Variants in AGBL4 observed in about 807,000 individuals in gnomAD.
AGBL4 encodes the protein AGBL carboxypeptidase 4.
AGBL4 carries 58 observed loss-of-function variants against 66.4 expected under a neutral mutation model. The observed-to-expected ratio is 0.87, with a 90% CI of 0.71 to 1.09. The LOEUF is 1.09. Among genes scored for constraint, AGBL4 ranks in the 50% least tolerant of loss-of-function variants. The probability of loss-of-function intolerance (pLI) is 0.00; values close to 1 mark genes in which losing one functional copy is unlikely to be tolerated. For synonymous variants in AGBL4, 234 were observed against 222.9 expected (o/e 1.05, Z -0.44); for missense variants, 579 against 631.0 (o/e 0.92, Z 0.88).
intron 2 of AGBL4, among the ~76,000 whole-genome samples, chr1:49,817,125 T>C (rs1390155209): frequency 1.3e-5 from 2 of 152,314 alleles, no homozygotes; most frequent in East Asian, 1.9e-4. Flanking sequence ...GAGAAAATCA[T>C]ATTTTCCTTC....
At chr1:48,788,207 T>C (rs570665830) in intron 6 of AGBL4, among the ~76,000 whole-genome samples, 1 of 152,366 alleles carries the variant, frequency 6.6e-6, no homozygotes, top group East Asian at 1.9e-4. Context: ...GCAGGCACAG[T>C]GCCTGTCACA....
intron 1 of AGBL4, among the ~76,000 whole-genome samples, chr1:49,918,380 G>A (rs192520373): frequency 7.9e-5 from 12 of 152,034 alleles, no homozygotes; most frequent in East Asian, 1.9e-4. Context: ...TCAAATAGAC[G>A]CAACAAAAAA....
chr1:49,293,591 C>T (rs1189196425), intron 3 of AGBL4, among the ~76,000 whole-genome samples: 3 of 152,290 alleles, frequency 2.0e-5, no homozygotes, highest in South Asian at 4.1e-4. Flanking sequence ...TGAGGAGATT[C>T]TGAATATGCA....
chr1:48,599,700 G>T (rs1645046889), intron 9 of AGBL4, among the ~76,000 whole-genome samples: 1 of 152,224 alleles, frequency 6.6e-6, no homozygotes, highest in Admixed American at 6.5e-5. Context: ...TTCATGTACA[G>T]AAATGGAGAA....
At chr1:49,938,804 G>A (rs1012176552) in intron 1 of AGBL4, among the ~76,000 whole-genome samples, 1 of 152,144 alleles carries the variant, frequency 6.6e-6, no homozygotes, top group African/African-American at 2.4e-5. Context: ...AACGCTTCGT[G>A]CTAAAAACTC....
intron 6 of AGBL4, among the ~76,000 whole-genome samples, chr1:48,779,241 G>A (rs1025087295): frequency 1.3e-5 from 2 of 152,094 alleles, no homozygotes; most frequent in Non-Finnish European, 2.9e-5. Context: ...ATCTAAATGG[G>A]GGTGACCACA....
chr1:48,766,480 C>T (rs745702827), intron 6 of AGBL4, among the ~76,000 whole-genome samples: 9 of 152,344 alleles, frequency 5.9e-5, no homozygotes, highest in Non-Finnish European at 1.0e-4. Flanking sequence ...TGCCAGACCA[C>T]GTCCTCTATC....
intron 6 of AGBL4, among the ~76,000 whole-genome samples, chr1:48,729,075 A>G (rs1647672577): frequency 1.3e-5 from 2 of 152,182 alleles, no homozygotes; most frequent in South Asian, 4.1e-4. Flanking sequence ...TAGATTCCTC[A>G]CTTCATAAAT....
In AGBL4 at chr1:49,719,630, C is replaced by G. The variant is rs995851274; in HGVS notation, c.158-22193G>C. ...AATGCAGAACTGTCATTAGCCCTTC[C>G]TCCATAAAAGACTGAAAGTAAGATA... On this transcript the variant is annotated intron_variant, in intron 2 of 13. Transcript: ENST00000371839. Among the ~76,000 whole-genome samples, 2 of 152,084 alleles carry G rather than the reference C, an allele frequency of 1.3e-5. 1 individual carries two copies. Among genetic ancestry groups the G allele is most frequent in the South Asian group, 4.1e-4 (2 of 4,830 alleles).
intron 2 of AGBL4, among the ~76,000 whole-genome samples, chr1:49,819,544 T>G (rs1645314497): frequency 6.6e-6 from 1 of 152,162 alleles, no homozygotes; most frequent in Non-Finnish European, 1.5e-5. Context: ...GGTCTTCTGA[T>G]TCCTAGATAA....
chr1:49,343,440 T>C (rs1249463442), intron 3 of AGBL4, among the ~76,000 whole-genome samples: 2 of 152,184 alleles, frequency 1.3e-5, no homozygotes, highest in African/African-American at 2.4e-5. Flanking sequence ...AAATGGCTAA[T>C]GGAAGTTATG....
At chr1:49,367,763 A>AATTCACAC (rs1440141654) in intron 3 of AGBL4, among the ~76,000 whole-genome samples, 1 of 152,218 alleles carries the variant, frequency 6.6e-6, no homozygotes, top group Non-Finnish European at 1.5e-5. Context: ...ATTGTGGTAG[A>AATTCACAC]ATTCACACAA....
chr1:49,722,970 C>T (rs1490860866), intron 2 of AGBL4, among the ~76,000 whole-genome samples: 1 of 152,006 alleles, frequency 6.6e-6, no homozygotes, highest in Non-Finnish European at 1.5e-5. Context: ...TTTGAAGCTG[C>T]CTACTATATG....
At chr1:49,793,837 G>T (rs1644664888) in intron 2 of AGBL4, among the ~76,000 whole-genome samples, 1 of 152,026 alleles carries the variant, frequency 6.6e-6, no homozygotes, top group East Asian at 1.9e-4. Flanking sequence ...GATTTTATTA[G>T]AAGAGGATCC....
intron 6 of AGBL4, among the ~76,000 whole-genome samples, chr1:48,837,711 C>CACTATATATA (rs1471719980): frequency 2.4e-5 from 2 of 82,298 alleles, no homozygotes; most frequent in Admixed American, 1.3e-4. Flanking sequence ...CACACACACA[C>CACTATATATA]TATATATATA....
intron 2 of AGBL4, among the ~76,000 whole-genome samples, chr1:49,711,884 G>A (rs936503510): frequency 6.6e-6 from 1 of 151,854 alleles, no homozygotes; most frequent in Non-Finnish European, 1.5e-5. Context: ...TTACATACAG[G>A]GACTGTAAAG....
chr1:48,806,349 A>T (rs1645923489), intron 6 of AGBL4, among the ~76,000 whole-genome samples: 1 of 152,200 alleles, frequency 6.6e-6, no homozygotes, highest in African/African-American at 2.4e-5. Flanking sequence ...TCCCATAAGC[A>T]GTGGTCTGTT....
intron 6 of AGBL4, among the ~76,000 whole-genome samples, chr1:48,827,855 G>A (rs1309237267): frequency 6.6e-6 from 1 of 152,040 alleles, no homozygotes; most frequent in South Asian, 2.1e-4. Flanking sequence ...TGCATTGCTA[G>A]TAAGTATTGA....
chr1:49,060,770 C>T (rs1054808296), intron 4 of AGBL4, among the ~76,000 whole-genome samples: 3 of 152,120 alleles, frequency 2.0e-5, no homozygotes, highest in Admixed American at 6.5e-5. Context: ...TTTATCATCT[C>T]CCTGGACCCC....
Sources: gnomAD v4.1 joint callset for allele counts (sites outside exome capture counted in the v4.1 genomes callset) on GRCh38, gnomAD v4.1.1 for gene constraint, MANE v1.5 for transcripts, NCBI Gene and HGNC (gene_info 2026-07-23, HGNC 2026-07-21) for gene names.